ZCCHC14: variants seen among roughly 807,000 people sequenced by gnomAD.
ZCCHC14 encodes zinc finger CCHC-type containing 14, also known as zinc finger CCHC domain-containing protein 14.
A neutral mutation model predicts 85.0 loss-of-function variants in ZCCHC14; 16 were observed. That is an observed-to-expected ratio of 0.19 (90% CI 0.13 to 0.29). ZCCHC14 has a LOEUF of 0.29. Among genes scored for constraint, ZCCHC14 ranks in the 10% least tolerant of loss-of-function variants. The pLI is 1.00. For synonymous variants in ZCCHC14, 775 were observed against 630.7 expected (o/e 1.23, Z -3.43); for missense variants, 1,303 against 1,443.5 (o/e 0.90, Z 1.58).
intron 1 of ZCCHC14, among the ~76,000 whole-genome samples, chr16:87,482,791 A>G (rs1912343573): frequency 1.3e-5 from 2 of 152,232 alleles, no homozygotes. Flanking sequence ...TCTGGAAAAT[A>G]TAAAACTAAC....
At chr16:87,423,960 G>T (rs563520424) in intron 3 of ZCCHC14, 79 bp from the exon 4 acceptor site, 297 of 1,491,236 alleles carry the variant, frequency 2.0e-4, no homozygotes, top group Middle Eastern at 1.4e-3. Flanking sequence ...GGTACGACTG[G>T]GGCACACGTT....
intron 1 of ZCCHC14, among the ~76,000 whole-genome samples, chr16:87,478,767 C>G (rs937671052): frequency 2.0e-5 from 3 of 151,948 alleles, no homozygotes; most frequent in African/African-American, 7.3e-5. Flanking sequence ...CCACCACGCC[C>G]GGCTAATTTT....
intron 2 of ZCCHC14, among the ~76,000 whole-genome samples, chr16:87,446,236 C>A (rs963725471): frequency 9.9e-5 from 15 of 151,538 alleles, no homozygotes; most frequent in South Asian, 2.1e-4. Flanking sequence ...GTAATCCCAG[C>A]ACTTTGGGAG....
In ZCCHC14 at chr16:87,420,483, T is replaced by C. The variant is rs1453305891; in HGVS notation, c.950+124A>G. On this transcript the variant is annotated intron_variant, in intron 5 of 12. Transcript: ENST00000671377. This position sits in a 1 kb window ranked among gnomAD's most constrained non-coding sequence, Gnocchi z 5.0. ...CTAATGGAAATCCCTAGAGGCCAAG[T>C]AGAGACCCAGGTCCAGGTGACCGCG... 2.9e-6 allele frequency: 2 copies of C among 690,140 alleles called. No homozygotes were observed. The highest frequency in any genetic ancestry group is 3.0e-5 in the Admixed American group (1 of 33,316). 42.8% of individuals were successfully genotyped at this position (690,140 alleles called of 1,614,324 possible). A position where few individuals can be genotyped will look rare whatever the true frequency, so the allele number is the denominator to read the frequency against.
At chr16:87,480,265 T>C (rs1422696575) in intron 1 of ZCCHC14, among the ~76,000 whole-genome samples, 1 of 151,872 alleles carries the variant, frequency 6.6e-6, no homozygotes, top group Non-Finnish European at 1.5e-5. Flanking sequence ...TAGCCTGGCA[T>C]GGTGGTGGGT....
chr16:87,426,435 T>A (rs1025331963), intron 3 of ZCCHC14, among the ~76,000 whole-genome samples: 10 of 152,232 alleles, frequency 6.6e-5, no homozygotes, highest in Non-Finnish European at 1.2e-4. Flanking sequence ...CTACTTAGCC[T>A]TATCTGGACG....
At chr16:87,448,541 G>A (rs1027447998) in intron 2 of ZCCHC14, among the ~76,000 whole-genome samples, 1 of 152,140 alleles carries the variant, frequency 6.6e-6, no homozygotes, top group Non-Finnish European at 1.5e-5. Flanking sequence ...GCATTTCAGA[G>A]GCTGAGCTTG....
chr16:87,424,085 T>G (rs990377694), intron 3 of ZCCHC14, among the ~76,000 whole-genome samples: 3 of 152,152 alleles, frequency 2.0e-5, no homozygotes, highest in African/African-American at 2.4e-5. Context: ...AAGTCTAACT[T>G]GTTTTATGCA....
chr16:87,418,600 T>G (rs913278022), intron 7 of ZCCHC14, among the ~76,000 whole-genome samples: 1 of 152,218 alleles, frequency 6.6e-6, no homozygotes, highest in African/African-American at 2.4e-5. Flanking sequence ...ATTCTGACTT[T>G]CTACGTCTAT....
intron 1 of ZCCHC14, among the ~76,000 whole-genome samples, chr16:87,482,171 G>A (rs1301536795): frequency 6.6e-6 from 1 of 152,240 alleles, no homozygotes; most frequent in Non-Finnish European, 1.5e-5. Context: ...CAGGTTGGAA[G>A]ACAGAAACCT....
rs1422422128 is a variant in ZCCHC14, at chr16:87,412,187, G to A, written c.2534C>T (p.Ser845Phe). ...GGACGTGGAGGGGTGGCTGCTGGGAGAGGCAGTGTTGCTGTTTGCACAGAA... is the reference window on the plus strand; with the variant it reads ...GGACGTGGAGGGGTGGCTGCTGGGAAAGGCAGTGTTGCTGTTTGCACAGAA... ...GGFCANSNTA[S>F]PSSHPSTSFA... The change falls in exon 12 of 13, where the codon TCT becomes TTT. Residue 845 changes from serine (S) to phenylalanine (F), a missense_variant. Physicochemically the swap from Ser to Phe is radical, Grantham distance 155. Coordinates refer to ENST00000671377, the MANE Select transcript of ZCCHC14 (RefSeq NM_015144.3). 6.2e-7 allele frequency: 1 copy of A among 1,614,054 alleles called. No individual in the cohort carries two copies. Among genetic ancestry groups the A allele is most frequent in the Non-Finnish European group, 8.5e-7 (1 of 1,180,046 alleles).
Position 87,411,771 on chromosome 16 carries a change from A to G in ZCCHC14, c.2950T>C (p.Phe984Leu). Residue 984 changes from phenylalanine to leucine, a missense_variant, in exon 12 of 13, where the codon TTC becomes CTC. Physicochemically the swap from Phe to Leu is conservative, Grantham distance 22 (BLOSUM62 0). Transcript: ENST00000671377. Reference protein sequence around the residue: ...SAQQYGGGSTFPVVHAPYSSS... With the variant: ...SAQQYGGGSTLPVVHAPYSSS... ...CTGTAAGGGGCGTGCACGACGGGGA[A>G]GGTGGAGCCGCCGCCGTACTGCTGG... 6.2e-7 allele frequency: 1 copy of G among 1,611,656 alleles called. No individual in the cohort carries two copies. Among genetic ancestry groups the G allele is most frequent in the African/African-American group, 1.3e-5 (1 of 75,030 alleles).
intron 2 of ZCCHC14, among the ~76,000 whole-genome samples, chr16:87,439,719 A>C (rs920103103): frequency 9.4e-4 from 143 of 152,244 alleles, no homozygotes; most frequent in African/African-American, 3.3e-3. Context: ...TACATTAAAA[A>C]ACCACATACA....
At chr16:87,434,337 C>T (rs963175317) in intron 2 of ZCCHC14, among the ~76,000 whole-genome samples, 2 of 152,242 alleles carry the variant, frequency 1.3e-5, no homozygotes, top group African/African-American at 4.8e-5. Flanking sequence ...AAGTTTCTCA[C>T]TGCCCAACAC....
chr16:87,476,012 A>G (rs1911988553), intron 1 of ZCCHC14, among the ~76,000 whole-genome samples: 1 of 152,224 alleles, frequency 6.6e-6, no homozygotes. Flanking sequence ...ACAACTTGTG[A>G]GCACAGGGGA....
chr16:87,411,640 T>C lies in ZCCHC14; in HGVS notation c.3081A>G (p.Gly1027=). ...TGGAACCATTGCTACTGCCCACCAGTCCTTGGGTCTGGTACACCCCTGCTG... is the reference window on the plus strand; with the variant it reads ...TGGAACCATTGCTACTGCCCACCAGCCCTTGGGTCTGGTACACCCCTGCTG... ...AGTAGVYQTQ[G]LVGSSNGSSH... The change falls in exon 12 of 13, where the codon GGA becomes GGG. Residue 1027 remains glycine, a synonymous_variant. Coordinates refer to ENST00000671377, the MANE Select transcript of ZCCHC14 (RefSeq NM_015144.3). The C allele has an allele frequency of 6.2e-7, 1 of 1,613,926 alleles. No homozygotes were observed. The highest frequency in any genetic ancestry group is 8.5e-7 in the Non-Finnish European group (1 of 1,179,968).
chr16:87,410,606 G>A (rs774113193), intron 12 of ZCCHC14, among the ~76,000 whole-genome samples: 1 of 152,216 alleles, frequency 6.6e-6, no homozygotes, highest in African/African-American at 2.4e-5. Flanking sequence ...CTCTGCACAC[G>A]TCAGGCGGGC....
intron 1 of ZCCHC14, among the ~76,000 whole-genome samples, chr16:87,481,107 T>C (rs1334730279): frequency 2.0e-5 from 3 of 152,030 alleles, no homozygotes; most frequent in African/African-American, 4.8e-5. Context: ...GAGGGGGTTA[T>C]GGAGGCAGAC....
intron 1 of ZCCHC14, among the ~76,000 whole-genome samples, chr16:87,462,226 T>C (rs1911297664): frequency 6.6e-6 from 1 of 152,216 alleles, no homozygotes; most frequent in African/African-American, 2.4e-5. Flanking sequence ...TTTGAATTTC[T>C]TATATTTGTA....
Sources: allele counts gnomAD v4.1 joint callset (sites outside exome capture counted in the v4.1 genomes callset), GRCh38; gene constraint gnomAD v4.1.1; non-coding constraint Gnocchi (gnomAD v3.1); transcripts MANE v1.5; gene names NCBI Gene and HGNC (gene_info 2026-07-23, HGNC 2026-07-21).